The following PARD3B variants were observed in gnomAD, a reference collection of about 807,000 sequenced individuals.
PARD3B encodes par-3 family cell polarity regulator beta.
A neutral mutation model predicts 130.2 loss-of-function variants in PARD3B; 103 were observed. The observed-to-expected ratio is 0.79, with a 90% confidence interval of 0.67 to 0.93. The LOEUF (loss-of-function observed/expected upper bound fraction) is 0.93, where lower values mean the gene tolerates loss of function less well. Among genes scored for constraint, PARD3B ranks in the 40% least tolerant of loss-of-function variants. The probability of loss-of-function intolerance (pLI) is 0.00; values close to 1 mark genes in which losing one functional copy is unlikely to be tolerated. For missense variants in PARD3B, 1,609 were observed against 1,499.2 expected (o/e 1.07, Z -1.21); for synonymous variants, 583 against 553.2 (o/e 1.05, Z -0.76).
intron 20 of PARD3B, among the ~76,000 whole-genome samples, chr2:205,453,539 G>T (rs2048174099): frequency 6.6e-6 from 1 of 152,180 alleles, no homozygotes. Context: ...TTTCACCGAT[G>T]AAAAACTAGA....
At chr2:205,224,198 G>A (rs570488949) in intron 15 of PARD3B, among the ~76,000 whole-genome samples, 6 of 148,936 alleles carry the variant, frequency 4.0e-5, no homozygotes, top group South Asian at 2.1e-4. Flanking sequence ...TTGAAACCCC[G>A]TCTCTACTAA....
chr2:204,930,238 T>G (rs1687932412), intron 2 of PARD3B, among the ~76,000 whole-genome samples: 1 of 151,910 alleles, frequency 6.6e-6, no homozygotes, highest in South Asian at 2.1e-4. Flanking sequence ...TCTAACATTT[T>G]GGAGTACAGT....
At chr2:204,651,807 G>C (rs1036247579) in intron 1 of PARD3B, among the ~76,000 whole-genome samples, 1 of 152,198 alleles carries the variant, frequency 6.6e-6, no homozygotes, top group Non-Finnish European at 1.5e-5. Flanking sequence ...AATCTAGGCA[G>C]AGGCTCCCAA....
chr2:204,915,207 C>A (rs1429123701), intron 2 of PARD3B, among the ~76,000 whole-genome samples: 5 of 152,112 alleles, frequency 3.3e-5, no homozygotes, highest in Non-Finnish European at 7.4e-5. Context: ...TTTTACCTCC[C>A]TTCTCTGAGC....
At chr2:205,193,892 C>G (rs1221904698) in intron 15 of PARD3B, among the ~76,000 whole-genome samples, 1 of 152,176 alleles carries the variant, frequency 6.6e-6, no homozygotes, top group African/African-American at 2.4e-5. Flanking sequence ...TCAAGGTACC[C>G]TGTGTCCATG....
At chr2:204,679,110 G>T (rs2036700100) in intron 1 of PARD3B, among the ~76,000 whole-genome samples, 1 of 152,164 alleles carries the variant, frequency 6.6e-6, no homozygotes, top group African/African-American at 2.4e-5. Context: ...ATTTACTCAT[G>T]TTGTCGCATA....
At chr2:205,157,959 A>G (rs2034281240) in intron 10 of PARD3B, among the ~76,000 whole-genome samples, 1 of 152,126 alleles carries the variant, frequency 6.6e-6, no homozygotes, top group South Asian at 2.1e-4. Flanking sequence ...TTTTTCCACC[A>G]TACTCTGTGT....
chr2:205,405,490 A>G lies in PARD3B; in HGVS notation c.2741+4367A>G, dbSNP rs1326596393. Among the ~76,000 whole-genome samples, 1 of 152,238 alleles carries G rather than the reference A, an allele frequency of 6.6e-6. No homozygotes were observed. Among genetic ancestry groups the G allele is most frequent in the Non-Finnish European group, 1.5e-5 (1 of 68,036 alleles). The stretch of plus-strand genomic sequence containing the variant: ...TTGCATTGTGTCATATTTCCTGTGG[A>G]TAATGCAGAGAAATCTAGATCAGAT... On this transcript the variant is annotated intron_variant, in intron 19 of 22. Coordinates refer to ENST00000406610, the MANE Select transcript of PARD3B (RefSeq NM_001302769.2). The surrounding 1 kb of genome is among the most constrained non-coding windows in gnomAD (Gnocchi z 4.1).
rs1215897967 is a variant in PARD3B at position 204,678,580 on chromosome 2, C to T, written c.121-7601C>T. 6.6e-6 allele frequency among the ~76,000 whole-genome samples: 1 copy of T among 152,026 alleles called. No homozygotes were observed. Among genetic ancestry groups the T allele is most frequent in the Non-Finnish European group, 1.5e-5 (1 of 68,024 alleles). The stretch of plus-strand genomic sequence containing the variant: ...GAAGCCTGGCTGACTCCAGCCGGGT[C>T]GTCTCCGAAGTCGTGTGGTCTGACA... On this transcript the variant is annotated intron_variant, in intron 1 of 22. Coordinates refer to ENST00000406610, the MANE Select transcript of PARD3B (RefSeq NM_001302769.2). This position sits in a 1 kb window ranked among gnomAD's most constrained non-coding sequence, Gnocchi z 4.2.
chr2:205,504,993 A>G (rs1284967144), intron 21 of PARD3B, among the ~76,000 whole-genome samples: 3 of 152,222 alleles, frequency 2.0e-5, no homozygotes, highest in African/African-American at 7.2e-5. Context: ...ACCAAGCCAA[A>G]TGTCCAACAA....
At chr2:205,058,016 A>G (rs772118488) in intron 4 of PARD3B, among the ~76,000 whole-genome samples, 9 of 151,696 alleles carry the variant, frequency 5.9e-5, no homozygotes, top group Middle Eastern at 3.4e-3. Context: ...TCTCTCCAGA[A>G]CTCTTCACCT....
intron 2 of PARD3B, among the ~76,000 whole-genome samples, chr2:204,904,882 A>G (rs2046991725): frequency 6.6e-6 from 1 of 152,200 alleles, no homozygotes. Flanking sequence ...TGATGTTAAA[A>G]TCTTAAGATT....
Position 205,470,886 on chromosome 2 carries a change from C to A in PARD3B, c.3045-29010C>A, listed in dbSNP as rs1036980754. On this transcript the variant is annotated intron_variant, in intron 20 of 22. Transcript: ENST00000406610. This position sits in a 1 kb window ranked among gnomAD's most constrained non-coding sequence, Gnocchi z 4.8. ...ACAGACAAGTAGACATGGAAGGATACTTTAAAACAAAGTGTGTTTTCAAGT... is the reference window on the plus strand; with the variant it reads ...ACAGACAAGTAGACATGGAAGGATAATTTAAAACAAAGTGTGTTTTCAAGT... 6.6e-6 allele frequency among the ~76,000 whole-genome samples: 1 copy of A among 152,314 alleles called. No individual in the cohort carries two copies. The highest frequency in any genetic ancestry group is 6.5e-5 in the Admixed American group (1 of 15,306).
At chr2:205,526,695 A>T (rs2051353038) in intron 21 of PARD3B, among the ~76,000 whole-genome samples, 1 of 152,098 alleles carries the variant, frequency 6.6e-6, no homozygotes, top group South Asian at 2.1e-4. Flanking sequence ...ATTAATTGAC[A>T]TGAAAAAAAA....
At position 205,440,094 on chromosome 2, in the gene PARD3B, A is replaced by C. The variant is rs2047659357; in HGVS notation, c.2742-276A>C. 6.6e-6 allele frequency among the ~76,000 whole-genome samples: 1 copy of C among 152,194 alleles called. No individual in the cohort carries two copies. The highest frequency in any genetic ancestry group is 2.4e-5 in the African/African-American group (1 of 41,456). On this transcript the variant is annotated intron_variant, in intron 19 of 22. Transcript: ENST00000406610. The surrounding 1 kb of genome is among the most constrained non-coding windows in gnomAD (Gnocchi z 4.2). ...GTGGGGAGGGAATGTGAATGAAAAC[A>C]GCCTCTGAAGCTACTATCAGCCTAG... is the stretch of plus-strand genomic sequence containing the variant.
intron 14 of PARD3B, among the ~76,000 whole-genome samples, chr2:205,189,775 C>G (rs532732888): frequency 6.6e-6 from 1 of 152,268 alleles, no homozygotes; most frequent in Admixed American, 6.5e-5. Context: ...TGGCTCTAAT[C>G]CTATGACTTA....
intron 2 of PARD3B, among the ~76,000 whole-genome samples, chr2:204,751,915 G>A (rs2040480708): frequency 6.6e-6 from 1 of 152,124 alleles, no homozygotes; most frequent in Non-Finnish European, 1.5e-5. Flanking sequence ...AGAACTCTGT[G>A]TTGGAACATT....
chr2:205,471,153 G>C (rs911231126), intron 20 of PARD3B, among the ~76,000 whole-genome samples: 1 of 152,120 alleles, frequency 6.6e-6, no homozygotes, highest in Non-Finnish European at 1.5e-5. Context: ...AACCTGAAAA[G>C]TCTTGGGCAC....
intron 2 of PARD3B, among the ~76,000 whole-genome samples, chr2:204,830,746 C>A (rs537686009): frequency 1.3e-5 from 2 of 152,166 alleles, no homozygotes; most frequent in Non-Finnish European, 2.9e-5. Context: ...TAACAGCTGT[C>A]CAGCTTGGAG....
Sources: gnomAD v4.1 joint callset for allele counts (sites outside exome capture counted in the v4.1 genomes callset) on GRCh38, gnomAD v4.1.1 for gene constraint, Gnocchi (gnomAD v3.1) non-coding constraint, MANE v1.5 for transcripts, NCBI Gene and HGNC (gene_info 2026-07-23, HGNC 2026-07-21) for gene names.